GALNT13: variants seen among roughly 807,000 people sequenced by gnomAD.
GALNT13 encodes polypeptide N-acetylgalactosaminyltransferase 13.
In GALNT13, 28 loss-of-function variants were observed where a neutral mutation model predicts 64.2. The observed-to-expected ratio is 0.44, with a 90% CI of 0.32 to 0.60. GALNT13 has a LOEUF of 0.60. Ranked by LOEUF, GALNT13 falls within the 20% of genes least tolerant of loss-of-function variation. The pLI, the probability that GALNT13 is intolerant of heterozygous loss-of-function variation, is 0.05. For synonymous variants in GALNT13, 214 were observed against 224.6 expected (o/e 0.95, Z 0.42); for missense variants, 577 against 669.8 (o/e 0.86, Z 1.53).
chr2:154,114,988 G>A (rs902616665), intron 3 of GALNT13, among the ~76,000 whole-genome samples: 29 of 152,150 alleles, frequency 1.9e-4, no homozygotes, highest in South Asian at 2.1e-4. Context: ...GGTTCCCACC[G>A]TTAGATCTGA....
At chr2:153,831,978 C>A in the GALNT13 span, among the ~76,000 whole-genome samples, 1 of 152,222 alleles carries the variant, frequency 6.6e-6, no homozygotes, top group South Asian at 2.1e-4. Context: ...TTGAGCAGGT[C>A]ATTGCCAGAA....
At chr2:154,362,414 C>T (rs570682973) in intron 9 of GALNT13, among the ~76,000 whole-genome samples, 2 of 152,040 alleles carry the variant, frequency 1.3e-5, no homozygotes, top group Non-Finnish European at 2.9e-5. Context: ...TCCCCCACCT[C>T]TCCTTTCATC....
At chr2:153,680,034 A>C in the GALNT13 span, among the ~76,000 whole-genome samples, 1 of 151,928 alleles carries the variant, frequency 6.6e-6, no homozygotes, top group Non-Finnish European at 1.5e-5. Flanking sequence ...ATTGTTTCAT[A>C]TATTTGTCAC....
In GALNT13 at chr2:154,018,019, A is replaced by C. The variant is rs186167672; in HGVS notation, c.142+73380A>C. 8.8e-3 allele frequency among the ~76,000 whole-genome samples: 1,335 copies of C among 152,174 alleles called. 13 individuals are homozygous for C. The highest frequency in any genetic ancestry group is 0.022 in the South Asian group (105 of 4,820). On this transcript the variant is annotated intron_variant, in intron 3 of 12. Transcript: ENST00000392825. ...CCAAAAGTTTGTTGCTTTATAATTG[A>C]TTTGCCTTTAATTCACTGTAATCTT...
the GALNT13 span, among the ~76,000 whole-genome samples, chr2:153,816,468 G>A: frequency 1.2e-4 from 18 of 152,264 alleles, no homozygotes; most frequent in Admixed American, 3.3e-4. Flanking sequence ...TCATGCCATT[G>A]GACATATTTA....
intron 8 of GALNT13, among the ~76,000 whole-genome samples, chr2:154,295,823 G>A (rs1692891416): frequency 6.6e-6 from 1 of 152,158 alleles, no homozygotes; most frequent in Non-Finnish European, 1.5e-5. Context: ...AATGGGTAGG[G>A]TGAAATGGGA....
chr2:153,444,353 G>T, the GALNT13 span, among the ~76,000 whole-genome samples: 4 of 152,156 alleles, frequency 2.6e-5, no homozygotes, highest in African/African-American at 9.7e-5. Context: ...AATATTTTTT[G>T]AGTGAGTGAA....
the GALNT13 span, among the ~76,000 whole-genome samples, chr2:153,545,837 C>G: frequency 2.0e-5 from 3 of 152,312 alleles, no homozygotes; most frequent in East Asian, 3.9e-4. Flanking sequence ...GGTTGCAATG[C>G]CCCTGGCAAG....
chr2:153,828,825 C>T, the GALNT13 span, among the ~76,000 whole-genome samples: 2 of 152,190 alleles, frequency 1.3e-5, no homozygotes, highest in Non-Finnish European at 2.9e-5. Flanking sequence ...CTCTGCTTCA[C>T]TTATAAAACT....
At position 154,438,541 on chromosome 2, in the gene GALNT13, G is replaced by A. The variant is rs776333880; in HGVS notation, c.1396-51G>A. The A allele has an allele frequency of 2.8e-6, 4 of 1,427,616 alleles. No homozygotes were observed. The African/African-American group carries it at 5.6e-5, about 20-fold the overall frequency. 88.4% of individuals were successfully genotyped at this position (1,427,616 alleles called of 1,614,324 possible). ...CTTCCCTGGATAGATCTGCTCTATT[G>A]TGACATTTTAAAACATACATTTTTT... On this transcript the variant is annotated intron_variant, in intron 11 of 12. Coordinates refer to ENST00000392825, the MANE Select transcript of GALNT13 (RefSeq NM_052917.4).
the GALNT13 span, among the ~76,000 whole-genome samples, chr2:153,275,919 T>G: frequency 6.6e-6 from 1 of 152,158 alleles, no homozygotes; most frequent in Non-Finnish European, 1.5e-5. Context: ...CATGAAGAGT[T>G]TAGGAAAGTA....
intron 12 of GALNT13, among the ~76,000 whole-genome samples, chr2:154,442,511 G>A (rs1304128999): frequency 6.6e-6 from 1 of 152,010 alleles, no homozygotes; most frequent in Non-Finnish European, 1.5e-5. Context: ...ACGTGGTCTG[G>A]AAGCTTAAAT....
chr2:153,626,872 T>C, the GALNT13 span, among the ~76,000 whole-genome samples: 1 of 152,108 alleles, frequency 6.6e-6, no homozygotes, highest in Non-Finnish European at 1.5e-5. Context: ...CTGGTTTGAA[T>C]TCAAAGAATA....
chr2:153,535,273 T>G, the GALNT13 span, among the ~76,000 whole-genome samples: 1 of 152,146 alleles, frequency 6.6e-6, no homozygotes, highest in Non-Finnish European at 1.5e-5. Flanking sequence ...ATAAAAGGTC[T>G]AAGAATTGGG....
upstream of GALNT13, chr2:153,871,893 TG>T (rs1685969000): frequency 2.0e-4 from 1 of 5,100 alleles, no homozygotes; most frequent in African/African-American, 7.4e-4. Context: ...CGGGCTGGGG[TG>T]GGAGGGGGGC....
chr2:154,106,447 A>G (rs1318224350), intron 3 of GALNT13, among the ~76,000 whole-genome samples: 1 of 152,006 alleles, frequency 6.6e-6, no homozygotes, highest in Non-Finnish European at 1.5e-5. Flanking sequence ...TCTTTTTTCC[A>G]TTGAATTCAT....
At chr2:153,585,447 C>T in the GALNT13 span, among the ~76,000 whole-genome samples, 1 of 152,146 alleles carries the variant, frequency 6.6e-6, no homozygotes, top group African/African-American at 2.4e-5. Flanking sequence ...GTTGAACACA[C>T]TCATGAATTA....
the GALNT13 span, among the ~76,000 whole-genome samples, chr2:153,723,655 C>T: frequency 6.6e-6 from 1 of 151,964 alleles, no homozygotes; most frequent in Admixed American, 6.6e-5. Context: ...TCCTATACAC[C>T]AACAACAAAC....
rs1043685168 is a variant in GALNT13 at position 153,886,585 on chromosome 2, A to G, written c.-177+14282A>G. Among the ~76,000 whole-genome samples, 7 of 152,172 alleles carry G rather than the reference A, an allele frequency of 4.6e-5. No individual in the cohort carries two copies. In the East Asian group the frequency reaches 1.4e-3, roughly 29 times the overall value. ...TCTCACTCATAGGTGGGAATTGAACAATGAGAACACATGGACAAAGGAAGA... is the reference window on the plus strand; with the variant it reads ...TCTCACTCATAGGTGGGAATTGAACGATGAGAACACATGGACAAAGGAAGA... On this transcript the variant is annotated intron_variant, in intron 1 of 12. Transcript: ENST00000392825.
Sources: gnomAD v4.1 joint callset for allele counts (sites outside exome capture counted in the v4.1 genomes callset) on GRCh38, gnomAD v4.1.1 for gene constraint, MANE v1.5 for transcripts, NCBI Gene and HGNC (gene_info 2026-07-23, HGNC 2026-07-21) for gene names.